Variants in ATP2C2 observed in about 807,000 individuals in gnomAD.
ATP2C2 encodes ATPase secretory pathway Ca2+ transporting 2, also known as calcium-transporting ATPase type 2C member 2.
In ATP2C2, 171 loss-of-function variants were observed where a neutral mutation model predicts 110.8. The ratio of observed to expected loss-of-function variants is 1.54; its 90% CI spans 1.36 to 1.75. The LOEUF (loss-of-function observed/expected upper bound fraction) is 1.75, where lower values mean the gene tolerates loss of function less well. Ranked by LOEUF, ATP2C2 falls within the 40% of genes most tolerant of loss-of-function variation. The pLI is 0.00. For synonymous variants in ATP2C2, 804 were observed against 508.4 expected (o/e 1.58, Z -7.82); for missense variants, 1,963 against 1,235.0 (o/e 1.59, Z -8.84).
intron 1 of ATP2C2, among the ~76,000 whole-genome samples, chr16:84,390,487 C>T (rs765987043): frequency 6.6e-6 from 1 of 152,306 alleles, no homozygotes; most frequent in Admixed American, 6.5e-5. Context: ...CACCGTCGCC[C>T]GCGTGGGTCT....
chr16:84,368,972 A>G lies in ATP2C2; in HGVS notation c.99+258A>G, dbSNP rs150872358. ...CCGAGAGTGGTTAAGTATATTCCCT[A>G]AGGGGCACGGAGCTAGGAAGTGACC... is the stretch of plus-strand genomic sequence containing the variant. On this transcript the variant is annotated intron_variant, in intron 1 of 26. Coordinates refer to ENST00000262429, the MANE Select transcript of ATP2C2 (RefSeq NM_014861.4). 6.1e-4 allele frequency among the ~76,000 whole-genome samples: 93 copies of G among 152,282 alleles called. 1 individual carries two copies. Among genetic ancestry groups the G allele is most frequent in the African/African-American group, 2.0e-3 (85 of 41,576 alleles).
chr16:84,455,085 G>A (rs72806642), intron 21 of ATP2C2, 101 bp downstream of exon 21: 181,046 of 1,427,432 alleles, frequency 0.13, 14,837 homozygotes, highest in Non-Finnish European at 0.15. Flanking sequence ...GGGGTCTCGC[G>A]GAGTCCCCAG....
intron 6 of ATP2C2, 161 bp downstream of exon 6, chr16:84,410,926 CGCT>C (rs1906228877): frequency 2.9e-6 from 2 of 687,118 alleles, no homozygotes; most frequent in Non-Finnish European, 5.0e-6. Context: ...GCCAATAGGT[CGCT>C]GTGTGTCCTC....
At chr16:84,444,745 C>T (rs548647608) in intron 15 of ATP2C2, among the ~76,000 whole-genome samples, 1 of 151,682 alleles carries the variant, frequency 6.6e-6, no homozygotes, top group South Asian at 2.1e-4. Context: ...AAGAGATTTC[C>T]TTGATGTGTT....
At chr16:84,395,343 C>G (rs747199907) in intron 1 of ATP2C2, among the ~76,000 whole-genome samples, 1 of 152,072 alleles carries the variant, frequency 6.6e-6, no homozygotes, top group Non-Finnish European at 1.5e-5. Context: ...CCACCTAGCT[C>G]ATTCCCCAGG....
At position 84,452,069 on chromosome 16, in the gene ATP2C2, C is replaced by A. The variant is rs767262085; in HGVS notation, c.1809C>A (p.Ala603=). 1 of 1,613,720 alleles carries A rather than the reference C, an allele frequency of 6.2e-7. No homozygotes were observed. Among genetic ancestry groups the A allele is most frequent in the Non-Finnish European group, 8.5e-7 (1 of 1,179,966 alleles). ...GVSVKMITGD[A]LETALAIGRN... is the part of the protein sequence containing the mutation. ...CTGTGAAGATGATAACGGGGGATGC[C>A]CTGGAGACGGCCTTGGCCATAGGTA... The change falls in exon 18 of 27, where the codon GCC becomes GCA. Residue 603 remains alanine (A), a synonymous_variant. Transcript: ENST00000262429.
intron 2 of ATP2C2, among the ~76,000 whole-genome samples, chr16:84,400,144 C>G (rs548849936): frequency 1.3e-5 from 2 of 152,234 alleles, no homozygotes; most frequent in Admixed American, 6.5e-5. Context: ...ATATGTACCA[C>G]ATTTTCTTTA....
At chr16:84,429,419 C>G (rs551390717) in intron 11 of ATP2C2, among the ~76,000 whole-genome samples, 1 of 152,324 alleles carries the variant, frequency 6.6e-6, no homozygotes, top group South Asian at 2.1e-4. Context: ...TCCCAAAGTG[C>G]TGGGATTACA....
intron 11 of ATP2C2, 150 bp from the exon 12 acceptor site, chr16:84,439,016 G>A (rs1908993493): frequency 2.5e-6 from 3 of 1,198,382 alleles, no homozygotes; most frequent in Non-Finnish European, 3.5e-6. Flanking sequence ...AAGGAGGCAG[G>A]TGCACCTTAG....
chr16:84,394,669 C>T lies in ATP2C2; in HGVS notation c.100-3830C>T, dbSNP rs888091687. On this transcript the variant is annotated intron_variant, in intron 1 of 26. Coordinates refer to ENST00000262429, the MANE Select transcript of ATP2C2 (RefSeq NM_014861.4). ...GCTCCAGGGGAGGATCTGTTCCACGCTTCTCTTCAAGCTTCCATCATGGCC... is the reference window on the plus strand; with the variant it reads ...GCTCCAGGGGAGGATCTGTTCCACGTTTCTCTTCAAGCTTCCATCATGGCC... Among the ~76,000 whole-genome samples, 22 of 152,122 alleles carry T rather than the reference C, an allele frequency of 1.4e-4. 1 individual carries two copies. The highest frequency in any genetic ancestry group is 5.3e-4 in the African/African-American group (22 of 41,380).
rs377760863 is a variant in ATP2C2, at chr16:84,459,172, C to A, written c.2200C>A (p.Arg734=). 1 of 1,614,144 alleles carries A rather than the reference C, an allele frequency of 6.2e-7. No individual in the cohort carries two copies. Among genetic ancestry groups the A allele is most frequent in the Non-Finnish European group, 8.5e-7 (1 of 1,180,028 alleles). The change falls in exon 22 of 27, where the codon CGA becomes AGA. Residue 734 remains arginine, a synonymous_variant. Coordinates refer to ENST00000262429, the MANE Select transcript of ATP2C2 (RefSeq NM_014861.4). ...TTTTTACAACATCAAAAACTTTGTC[C>A]GATTCCAGCTGAGCACGTAAGTAGA... ...GIFYNIKNFV[R]FQLSTSISAL...
At chr16:84,410,144 G>C (rs2150525681) in intron 4 of ATP2C2, among the ~76,000 whole-genome samples, 1 of 152,302 alleles carries the variant, frequency 6.6e-6, no homozygotes, top group South Asian at 2.1e-4. Context: ...GGGAGGCGGA[G>C]GTTGCAGTGA....
chr16:84,370,018 A>G (rs1338531029), intron 1 of ATP2C2, among the ~76,000 whole-genome samples: 1 of 152,168 alleles, frequency 6.6e-6, no homozygotes, highest in Non-Finnish European at 1.5e-5. Flanking sequence ...TGCCTTTCCT[A>G]TGTTGCCATT....
chr16:84,408,127 G>A (rs1211515269), intron 3 of ATP2C2, among the ~76,000 whole-genome samples: 6 of 152,014 alleles, frequency 3.9e-5, no homozygotes, highest in Non-Finnish European at 8.8e-5. Context: ...GAGCGTCATG[G>A]AGATGTGGAG....
At chr16:84,448,384 G>A (rs1013737403) in intron 16 of ATP2C2, 149 bp from the exon 17 acceptor site, 25 of 978,704 alleles carry the variant, frequency 2.6e-5, no homozygotes, top group African/African-American at 3.3e-5. Flanking sequence ...AACCTGTCCA[G>A]CACCTGTGAA....
chr16:84,399,367 GA>G (rs1446783168), intron 2 of ATP2C2, among the ~76,000 whole-genome samples: 2 of 152,150 alleles, frequency 1.3e-5, no homozygotes, highest in Non-Finnish European at 2.9e-5. Flanking sequence ...TCCCTAGCTA[GA>G]AAATGAGCTA....
At position 84,393,604 on chromosome 16, in the gene ATP2C2, G is replaced by A. The variant is rs560345073; in HGVS notation, c.100-4895G>A. Among the ~76,000 whole-genome samples the A allele has an allele frequency of 8.5e-5, 13 of 152,294 alleles. No individual in the cohort carries two copies. In the South Asian group the frequency reaches 2.7e-3, roughly 32 times the overall value. ...CTCGATGTTGGCAAATGAGGAAGGA[G>A]CAGGTGTATTTCCAATGCAAGGCCC... On this transcript the variant is annotated intron_variant, in intron 1 of 26. Coordinates refer to ENST00000262429, the MANE Select transcript of ATP2C2 (RefSeq NM_014861.4).
intron 20 of ATP2C2, among the ~76,000 whole-genome samples, chr16:84,453,646 A>C (rs1212024074): frequency 1.3e-5 from 2 of 152,138 alleles, no homozygotes; most frequent in Non-Finnish European, 2.9e-5. Flanking sequence ...GAACACAGTC[A>C]CGGGCCCAGG....
intron 4 of ATP2C2, among the ~76,000 whole-genome samples, chr16:84,409,949 C>A (rs1243289052): frequency 6.6e-6 from 1 of 152,134 alleles, no homozygotes; most frequent in African/African-American, 2.4e-5. Context: ...GTGGCTCATG[C>A]CTGTAATCCC....
Sources: gnomAD v4.1 joint callset for allele counts (sites outside exome capture counted in the v4.1 genomes callset) on GRCh38, gnomAD v4.1.1 for gene constraint, MANE v1.5 for transcripts, NCBI Gene and HGNC (gene_info 2026-07-23, HGNC 2026-07-21) for gene names.